Variants in ROBO2 observed in about 807,000 individuals in gnomAD.
The protein encoded by ROBO2 is roundabout homolog 2.
Under a neutral mutation model 160.8 loss-of-function variants are expected in ROBO2, and 53 were observed. That is an observed-to-expected ratio of 0.33 (90% confidence interval 0.26 to 0.41). ROBO2 has a LOEUF of 0.41. Ranked by LOEUF, ROBO2 falls within the 10% of genes least tolerant of loss-of-function variation. The pLI is 1.00. For synonymous variants in ROBO2, 664 were observed against 611.7 expected, an observed-to-expected ratio of 1.09 and a Z score of -1.26; for missense variants, 1,577 against 1,722.4, an observed-to-expected ratio of 0.92 and a Z score of 1.49.
At chr3:76,042,008 AAGAG>A (rs796662835) in intron 2 of ROBO2, among the ~76,000 whole-genome samples, 9 of 129,852 alleles carry the variant, frequency 6.9e-5, no homozygotes, top group African/African-American at 1.5e-4. Context: ...GAGCGAGAGC[AAGAG>A]AGAGAGAGAG....
chr3:76,377,762 G>A (rs2076418857), intron 2 of ROBO2, among the ~76,000 whole-genome samples: 1 of 151,980 alleles, frequency 6.6e-6, no homozygotes, highest in Non-Finnish European at 1.5e-5. Context: ...TTTCTCTTAT[G>A]AGTAGAAAGG....
chr3:77,644,557 C>A, intron 24 of ROBO2, 147 bp from the exon 27 acceptor site: 7 of 717,904 alleles, frequency 9.8e-6, no homozygotes, highest in Non-Finnish European at 1.6e-5. Flanking sequence ...TCTTTAATAT[C>A]CGGTCCTGAT....
intron 5 of ROBO2, among the ~76,000 whole-genome samples, chr3:77,510,272 G>A (rs1447229047): frequency 3.3e-5 from 5 of 152,020 alleles, no homozygotes; most frequent in African/African-American, 1.2e-4. Flanking sequence ...TTAAAGCTAT[G>A]GAACAAGATA....
chr3:76,078,274 T>G (rs1440083940), intron 2 of ROBO2, among the ~76,000 whole-genome samples: 1 of 152,208 alleles, frequency 6.6e-6, no homozygotes, highest in Non-Finnish European at 1.5e-5. Flanking sequence ...AGAAACAGAT[T>G]CGGATGTATT....
intron 2 of ROBO2, among the ~76,000 whole-genome samples, chr3:76,479,976 G>T (rs1369046509): frequency 6.6e-6 from 1 of 152,038 alleles, no homozygotes; most frequent in Non-Finnish European, 1.5e-5. Context: ...ATATTTACTG[G>T]ACAGAGCCAA....
intron 2 of ROBO2, among the ~76,000 whole-genome samples, chr3:76,317,780 G>A (rs2072165141): frequency 6.6e-6 from 1 of 151,882 alleles, no homozygotes; most frequent in African/African-American, 2.4e-5. Context: ...ACTATACTAA[G>A]ATCTGTTGTA....
At chr3:77,383,512 A>G (rs924666537) in intron 2 of ROBO2, among the ~76,000 whole-genome samples, 7 of 152,132 alleles carry the variant, frequency 4.6e-5, no homozygotes, top group African/African-American at 1.7e-4. Context: ...TGCAATAAGT[A>G]GAGCCAGTTT....
chr3:76,212,763 T>G (rs1476063458), intron 2 of ROBO2, among the ~76,000 whole-genome samples: 1 of 152,024 alleles, frequency 6.6e-6, no homozygotes, highest in Admixed American at 6.6e-5. Context: ...GTTCTCCCCA[T>G]TAGGCTGAAA....
At chr3:76,534,126 G>A (rs2082369705) in intron 2 of ROBO2, among the ~76,000 whole-genome samples, 1 of 151,910 alleles carries the variant, frequency 6.6e-6, no homozygotes, top group Admixed American at 6.6e-5. Flanking sequence ...TTTTTTGGAG[G>A]GGTAAGGGCG....
intron 2 of ROBO2, among the ~76,000 whole-genome samples, chr3:76,304,738 T>TTTTGTTCCTTCCTTC (rs2071239251): frequency 3.4e-5 from 1 of 29,016 alleles, no homozygotes. Flanking sequence ...CTTTCTTTTC[T>TTTTGTTCCTTCCTTC]TTTCTTTCCT....
intron 2 of ROBO2, among the ~76,000 whole-genome samples, chr3:77,404,108 G>A (rs1581681149): frequency 1.3e-5 from 2 of 152,124 alleles, no homozygotes; most frequent in African/African-American, 4.8e-5. Flanking sequence ...AATGTTATAT[G>A]ACAGTCTCTA....
Position 76,414,116 on chromosome 3 carries a change from A to G in ROBO2, c.109+476514A>G, listed in dbSNP as rs2075635538. ...ACTTATTCACTATCTTAAGAATAGCACAGGAAAGAACAGCCCCCATGATTC... is the reference window on the plus strand; with the variant it reads ...ACTTATTCACTATCTTAAGAATAGCGCAGGAAAGAACAGCCCCCATGATTC... On this transcript the variant is annotated intron_variant, in intron 2 of 26. Coordinates refer to the ROBO2 transcript ENST00000487694. Among the ~76,000 whole-genome samples the G allele has an allele frequency of 1.3e-5, 2 of 151,802 alleles. 1 individual carries two copies. The highest frequency in any genetic ancestry group is 4.2e-4 in the South Asian group (2 of 4,796).
intron 6 of ROBO2, among the ~76,000 whole-genome samples, chr3:77,525,114 C>A (rs1054895541): frequency 2.0e-5 from 3 of 151,158 alleles, no homozygotes; most frequent in African/African-American, 7.3e-5. Flanking sequence ...AAATGTGCAG[C>A]CTTTCTTTGG....
At chr3:77,318,579 T>A (rs1479416078) in intron 2 of ROBO2, among the ~76,000 whole-genome samples, 2 of 152,174 alleles carry the variant, frequency 1.3e-5, no homozygotes, top group African/African-American at 4.8e-5. Context: ...ATCACACATT[T>A]TAAAGTAAAA....
chr3:76,342,920 G>A (rs2074315851), intron 2 of ROBO2, among the ~76,000 whole-genome samples: 2 of 152,068 alleles, frequency 1.3e-5, no homozygotes, highest in Admixed American at 1.3e-4. Context: ...TGTAACTACA[G>A]AATGATGCAA....
intron 2 of ROBO2, among the ~76,000 whole-genome samples, chr3:76,989,880 A>C (rs1025602692): frequency 1.3e-5 from 2 of 152,156 alleles, no homozygotes; most frequent in East Asian, 3.9e-4. Flanking sequence ...GTGGGCATGC[A>C]TGAACAGGGG....
At chr3:76,382,232 T>C in intron 2 of ROBO2, among the ~76,000 whole-genome samples, 1 of 152,184 alleles carries the variant, frequency 6.6e-6, no homozygotes, top group Non-Finnish European at 1.5e-5. Context: ...CCTCTCAAAA[T>C]TCTGGGATCA....
intron 2 of ROBO2, among the ~76,000 whole-genome samples, chr3:76,223,576 G>C (rs944984281): frequency 7.9e-5 from 12 of 152,122 alleles, no homozygotes; most frequent in African/African-American, 2.9e-4. Context: ...ATAGGTTTCA[G>C]TTTTTCCCCA....
intron 2 of ROBO2, among the ~76,000 whole-genome samples, chr3:76,427,886 T>G (rs2076283983): frequency 6.6e-6 from 1 of 152,200 alleles, no homozygotes; most frequent in South Asian, 2.1e-4. Flanking sequence ...TTGATTAGTA[T>G]GTGCCTCTCT....
Sources: gnomAD v4.1 joint callset for allele counts (sites outside exome capture counted in the v4.1 genomes callset) on GRCh38, gnomAD v4.1.1 for gene constraint, MANE v1.5 for transcripts, NCBI Gene and HGNC (gene_info 2026-07-23, HGNC 2026-07-21) for gene names.